Variants in DNAH6 observed in about 807,000 individuals in gnomAD.
The protein encoded by DNAH6 is axonemal beta dynein heavy chain 6.
A neutral mutation model predicts 491.4 loss-of-function variants in DNAH6; 340 were observed. That is an observed-to-expected ratio of 0.69 (90% CI 0.63 to 0.76). The LOEUF is 0.76. DNAH6 is among the 30% of genes least tolerant of loss of function. The pLI, the probability that DNAH6 is intolerant of heterozygous loss-of-function variation, is 0.00. For missense variants in DNAH6, 4,443 were observed against 4,972.2 expected (o/e 0.89, Z 3.20); for synonymous variants, 1,603 against 1,686.1 (o/e 0.95, Z 1.21).
intron 64 of DNAH6, among the ~76,000 whole-genome samples, chr2:84,778,770 A>G (rs1202416827): frequency 6.6e-6 from 1 of 152,188 alleles, no homozygotes; most frequent in Non-Finnish European, 1.5e-5. Context: ...TGCTGGGATT[A>G]CAGGCACTGC....
At chr2:84,802,772 C>T (rs550740258) in intron 70 of DNAH6, among the ~76,000 whole-genome samples, 2 of 152,278 alleles carry the variant, frequency 1.3e-5, no homozygotes, top group Non-Finnish European at 2.9e-5. Flanking sequence ...TTCTCATCTG[C>T]ACACAAAACA....
At chr2:84,618,892 A>G (rs1409528859) in intron 23 of DNAH6, among the ~76,000 whole-genome samples, 1 of 152,124 alleles carries the variant, frequency 6.6e-6, no homozygotes, top group Admixed American at 6.6e-5. Flanking sequence ...CAGGTCCGCT[A>G]TTGGAACACA....
In DNAH6 at chr2:84,753,755, T is replaced by TAAAAAAAAA. The variant is rs1162541312; in HGVS notation, c.10512+8522_10512+8530dup. ...CTGGGCAACAGGAGTGAAACTCTGTTAAAAAAAAAAAAAAAAAAAAAAAAG... is the reference window on the plus strand; with the variant it reads ...CTGGGCAACAGGAGTGAAACTCTGTTAAAAAAAAAAAAAAAAAAAAAAAAAAAAAAAAAG... On this transcript the variant is annotated intron_variant, in intron 63 of 76. Coordinates refer to ENST00000389394, the MANE Select transcript of DNAH6 (RefSeq NM_001370.2). Among the ~76,000 whole-genome samples the TAAAAAAAAA allele has an allele frequency of 2.9e-3, 227 of 77,110 alleles. 6 individuals are homozygous for TAAAAAAAAA. Among genetic ancestry groups the TAAAAAAAAA allele is most frequent in the African/African-American group, 0.011 (199 of 17,568 alleles). The allele number at this position is 77,110 out of a possible 152,430, so 50.6% of individuals were successfully genotyped here. A position where few individuals can be genotyped will look rare whatever the true frequency, so the allele number is the denominator to read the frequency against.
At chr2:84,672,635 G>A (rs1371386041) in intron 40 of DNAH6, among the ~76,000 whole-genome samples, 151 bp downstream of exon 40, 2 of 152,024 alleles carry the variant, frequency 1.3e-5, no homozygotes, top group African/African-American at 2.4e-5. Flanking sequence ...AAGACTAGAC[G>A]TCTAAGAACA....
chr2:84,621,094 G>A lies in DNAH6; in HGVS notation c.3793-97G>A, dbSNP rs905010216. The A allele has an allele frequency of 3.0e-5, 38 of 1,281,588 alleles. No individual in the cohort carries two copies. The Admixed American group carries it at 3.3e-4, about 11-fold the overall frequency. The allele number at this position is 1,281,588 out of a possible 1,614,324, so 79.4% of individuals were successfully genotyped here. A position where few individuals can be genotyped will look rare whatever the true frequency, so the allele number is the denominator to read the frequency against. On this transcript the variant is annotated intron_variant, in intron 24 of 76. Coordinates refer to ENST00000389394, the MANE Select transcript of DNAH6 (RefSeq NM_001370.2). ...TCAGTATTTGTGGTCAGGCTTCAGC[G>A]TTTATGTAGCTTAGGATTCTGTAAT...
At chr2:84,584,828 T>C (rs1683376125) in intron 15 of DNAH6, 1 of 152,210 alleles carries the variant, frequency 6.6e-6, no homozygotes, top group South Asian at 2.1e-4. Flanking sequence ...AACCTGCACA[T>C]GTATCCCTGA....
At chr2:84,631,536 C>T (rs1465218720) in intron 29 of DNAH6, among the ~76,000 whole-genome samples, 1 of 152,060 alleles carries the variant, frequency 6.6e-6, no homozygotes, top group African/African-American at 2.4e-5. Flanking sequence ...ATTCTACAGG[C>T]CCTAATCCAA....
In DNAH6 at chr2:84,641,954, A is replaced by G; in HGVS notation, c.4978A>G (p.Lys1660Glu). 1.3e-6 allele frequency: 2 copies of G among 1,549,444 alleles called. No homozygotes were observed. Among genetic ancestry groups the G allele is most frequent in the East Asian group, 4.9e-5 (2 of 40,874 alleles). ...KSVLVMAGSL[K>E]RENPDLNEDV... The stretch of plus-strand genomic sequence containing the variant: ...ATATTCCTTTAAATTTAGATCTTTA[A>G]AAAGAGAAAACCCAGACCTAAATGA... Residue 1660 changes from lysine (K) to glutamate (E), a missense_variant, in exon 33 of 77, where the codon AAA becomes GAA. Transcript: ENST00000389394.
At chr2:84,485,689 A>G in the DNAH6 span, among the ~76,000 whole-genome samples, 1 of 152,050 alleles carries the variant, frequency 6.6e-6, no homozygotes, top group Non-Finnish European at 1.5e-5. Flanking sequence ...ACTCTTCCTA[A>G]AGGCCAATTA....
rs1414860036 is a variant in DNAH6, at chr2:84,706,876, C to T, written c.8728-20C>T. 1.3e-6 allele frequency: 2 copies of T among 1,530,200 alleles called. No homozygotes were observed. The allele number at this position is 1,530,200 out of a possible 1,614,324, so 94.8% of individuals were successfully genotyped here. ...GCCTTTTTTTGGCCCTGTTCTTAAA[C>T]AGTTGCTTGATTTTATTAGGCTGAA... On this transcript the variant is annotated intron_variant, in intron 52 of 76. Transcript: ENST00000389394.
chr2:84,530,040 G>A (rs1325555098), intron 4 of DNAH6, among the ~76,000 whole-genome samples: 1 of 152,176 alleles, frequency 6.6e-6, no homozygotes, highest in Non-Finnish European at 1.5e-5. Context: ...GGACAGAAAT[G>A]CTTATGAAAA....
At chr2:84,747,074 C>T (rs111239684) in intron 63 of DNAH6, among the ~76,000 whole-genome samples, 12 of 152,238 alleles carry the variant, frequency 7.9e-5, no homozygotes, top group African/African-American at 2.2e-4. Context: ...GATCACATTT[C>T]GACATGAGAT....
chr2:84,707,239 T>C (rs1459393351), intron 53 of DNAH6, among the ~76,000 whole-genome samples: 1 of 152,224 alleles, frequency 6.6e-6, no homozygotes, highest in Non-Finnish European at 1.5e-5. Flanking sequence ...AAACAGTATG[T>C]GAATTTGATC....
Position 84,614,158 on chromosome 2 carries a change from G to C in DNAH6, c.3475+2304G>C, listed in dbSNP as rs114991081. Among the ~76,000 whole-genome samples, 883 of 152,028 alleles carry C rather than the reference G, an allele frequency of 5.8e-3. 12 individuals carry two copies. Among genetic ancestry groups the C allele is most frequent in the African/African-American group, 0.02 (811 of 41,462 alleles). ...CACAGTGTACTGTACCCAATGCGTA[G>C]TCTTTTATCTTTTTATCCCTCAGCT... On this transcript the variant is annotated intron_variant, in intron 22 of 76. Coordinates refer to ENST00000389394, the MANE Select transcript of DNAH6 (RefSeq NM_001370.2).
chr2:84,550,952 A>G (rs1170885012), intron 9 of DNAH6, among the ~76,000 whole-genome samples: 2 of 152,232 alleles, frequency 1.3e-5, no homozygotes. Context: ...GAAGTAGTAC[A>G]AATTCGTGCA....
chr2:84,722,871 C>A, intron 60 of DNAH6, 67 bp downstream of exon 60: 2 of 980,576 alleles, frequency 2.0e-6, no homozygotes, highest in South Asian at 2.0e-5. Flanking sequence ...TGAATTACTT[C>A]TTGCTTCACA....
intron 37 of DNAH6, among the ~76,000 whole-genome samples, chr2:84,668,425 C>A (rs368458460): frequency 2.2e-4 from 34 of 152,268 alleles, no homozygotes; most frequent in African/African-American, 7.7e-4. Flanking sequence ...TTGCTCTGTA[C>A]AGCTGCCAGG....
In DNAH6 at chr2:84,778,693, G is replaced by A. The variant is rs1047277872; in HGVS notation, c.10704-2800G>A. 7.9e-5 allele frequency among the ~76,000 whole-genome samples: 12 copies of A among 152,070 alleles called. No individual in the cohort carries two copies. In the South Asian group the frequency reaches 1.9e-3, roughly 24 times the overall value. ...TTTCTGTATTTTTTGTAGAGACAGG[G>A]TTTTGCCAGGTTGCCCAGGATGATC... On this transcript the variant is annotated intron_variant, in intron 64 of 76. Transcript: ENST00000389394.
the DNAH6 span, among the ~76,000 whole-genome samples, chr2:84,465,553 A>G: frequency 6.6e-6 from 1 of 152,196 alleles, no homozygotes; most frequent in Non-Finnish European, 1.5e-5. Flanking sequence ...TTCCCACACA[A>G]AGAGTATAAC....
Sources: gnomAD v4.1 joint callset for allele counts (sites outside exome capture counted in the v4.1 genomes callset) on GRCh38, gnomAD v4.1.1 for gene constraint, MANE v1.5 for transcripts, NCBI Gene and HGNC (gene_info 2026-07-23, HGNC 2026-07-21) for gene names.